TMCO4: variants seen among roughly 807,000 people sequenced by gnomAD.
TMCO4 encodes transmembrane and coiled-coil domains 4.
A neutral mutation model predicts 64.7 loss-of-function variants in TMCO4; 58 were observed. That is an observed-to-expected ratio of 0.90 (90% CI 0.73 to 1.12). The LOEUF (loss-of-function observed/expected upper bound fraction) is 1.12, where lower values mean the gene tolerates loss of function less well. Among genes scored for constraint, TMCO4 ranks in the 50% most tolerant of loss-of-function variants. The probability of loss-of-function intolerance (pLI) is 0.00; values close to 1 mark genes in which losing one functional copy is unlikely to be tolerated. For missense variants in TMCO4, 780 were observed against 825.9 expected, an observed-to-expected ratio of 0.94 and a Z score of 0.68; for synonymous variants, 325 against 346.1, an observed-to-expected ratio of 0.94 and a Z score of 0.68.
intron 2 of TMCO4, among the ~76,000 whole-genome samples, chr1:19,788,048 C>A (rs552813728): frequency 6.6e-6 from 1 of 152,274 alleles, no homozygotes; most frequent in South Asian, 2.1e-4. Context: ...TGAGCCACTG[C>A]ACCCAGCCCT....
intron 3 of TMCO4, among the ~76,000 whole-genome samples, chr1:19,785,772 C>T (rs985713349): frequency 2.6e-5 from 4 of 152,158 alleles, no homozygotes; most frequent in Non-Finnish European, 4.4e-5. Context: ...GCTAACTAAG[C>T]ATTCCTTCAG....
chr1:19,721,271 C>G (rs897881368), intron 13 of TMCO4, among the ~76,000 whole-genome samples: 5 of 148,770 alleles, frequency 3.4e-5, no homozygotes, highest in African/African-American at 1.0e-4. Flanking sequence ...GGAAAAGATA[C>G]GCTCCTGCAG....
chr1:19,756,021 C>G (rs976962153), intron 6 of TMCO4, among the ~76,000 whole-genome samples: 1 of 152,052 alleles, frequency 6.6e-6, no homozygotes, highest in Admixed American at 6.5e-5. Flanking sequence ...CTGAGGCAGG[C>G]AGATCGCTTG....
At chr1:19,786,763 A>C (rs1412612310) in intron 3 of TMCO4, among the ~76,000 whole-genome samples, 1 of 152,240 alleles carries the variant, frequency 6.6e-6, no homozygotes, top group Non-Finnish European at 1.5e-5. Context: ...TTTAAAAAGT[A>C]GTCGAACATC....
At chr1:19,720,838 G>A (rs2095379203) in intron 13 of TMCO4, among the ~76,000 whole-genome samples, 1 of 151,974 alleles carries the variant, frequency 6.6e-6, no homozygotes, top group Admixed American at 6.6e-5. Context: ...CCCACAGGCA[G>A]AAACATTTTT....
chr1:19,792,440 G>C (rs975115428), intron 2 of TMCO4, among the ~76,000 whole-genome samples: 10 of 152,236 alleles, frequency 6.6e-5, no homozygotes, highest in African/African-American at 2.2e-4. Flanking sequence ...TTTGTCAGTA[G>C]TTGGGGCAGA....
chr1:19,721,961 C>T (rs890239107), intron 13 of TMCO4, among the ~76,000 whole-genome samples: 2 of 152,222 alleles, frequency 1.3e-5, no homozygotes, highest in African/African-American at 4.8e-5. Context: ...CACATTCAAA[C>T]ACCAATAGCC....
At chr1:19,716,151 T>C (rs912087245) in intron 13 of TMCO4, among the ~76,000 whole-genome samples, 1 of 135,532 alleles carries the variant, frequency 7.4e-6, no homozygotes, top group Non-Finnish European at 1.5e-5. Flanking sequence ...ACCTCTTCTC[T>C]ATTTTATTTT....
intron 15 of TMCO4, among the ~76,000 whole-genome samples, chr1:19,685,969 C>T (rs911007919): frequency 7.9e-5 from 12 of 151,810 alleles, no homozygotes; most frequent in African/African-American, 2.7e-4. Context: ...CCTCATGATC[C>T]ACCCACCTCG....
chr1:19,691,795 T>C (rs1158094235), intron 15 of TMCO4, among the ~76,000 whole-genome samples: 1 of 152,238 alleles, frequency 6.6e-6, no homozygotes, highest in Non-Finnish European at 1.5e-5. Flanking sequence ...TGAATTGTAC[T>C]CTCATAAATC....
At chr1:19,727,249 G>T (rs935734398) in intron 13 of TMCO4, among the ~76,000 whole-genome samples, 1 of 152,212 alleles carries the variant, frequency 6.6e-6, no homozygotes, top group Non-Finnish European at 1.5e-5. Flanking sequence ...GTTAGGACAG[G>T]ACGTGCAGAC....
intron 4 of TMCO4, among the ~76,000 whole-genome samples, chr1:19,772,837 A>G (rs1052156977): frequency 6.6e-6 from 1 of 152,206 alleles, no homozygotes; most frequent in Non-Finnish European, 1.5e-5. Flanking sequence ...TGACCCAGCT[A>G]TCACATTCCT....
chr1:19,692,543 A>G (rs2095203678), intron 15 of TMCO4, among the ~76,000 whole-genome samples: 1 of 150,652 alleles, frequency 6.6e-6, no homozygotes, highest in Admixed American at 6.6e-5. Context: ...CAGCCTGACC[A>G]ATATGGCGAA....
At chr1:19,784,269 C>T (rs1439023481) in intron 3 of TMCO4, among the ~76,000 whole-genome samples, 1 of 152,180 alleles carries the variant, frequency 6.6e-6, no homozygotes, top group Non-Finnish European at 1.5e-5. Context: ...CGCGGTAGCT[C>T]ACGCCTGTAA....
At position 19,755,724 on chromosome 1, in the gene TMCO4, G is replaced by C; in HGVS notation, c.425C>G (p.Thr142Ser). 6.2e-7 allele frequency: 1 copy of C among 1,614,084 alleles called. No individual in the cohort carries two copies. Among genetic ancestry groups the C allele is most frequent in the Non-Finnish European group, 8.5e-7 (1 of 1,180,016 alleles). ...CTCCAAGGGCACTTGGAGCAGGGAG[G>C]TCATGTGGCAAACGAGGACTCTGGC... ...ARARVLVCHM[T>S]SLLQVPLEEL... Residue 142 changes from threonine to serine, a missense_variant, in exon 7 of 16, where the codon ACC becomes AGC. Coordinates refer to ENST00000294543, the MANE Select transcript of TMCO4 (RefSeq NM_181719.7).
intron 11 of TMCO4, 61 bp downstream of exon 11, chr1:19,740,716 C>T (rs1005363954): frequency 1.3e-6 from 2 of 1,544,602 alleles, no homozygotes. Context: ...ACTATGGTAC[C>T]ACTGTGTTGG....
chr1:19,771,781 C>T (rs928252722), intron 4 of TMCO4, among the ~76,000 whole-genome samples: 5 of 152,094 alleles, frequency 3.3e-5, no homozygotes, highest in East Asian at 1.9e-4. Flanking sequence ...CTCAGCCTCC[C>T]GAGTAGCTGG....
chr1:19,796,294 G>A (rs946973307), intron 2 of TMCO4, among the ~76,000 whole-genome samples: 1 of 151,462 alleles, frequency 6.6e-6, no homozygotes, highest in African/African-American at 2.5e-5. Context: ...TTACTAAGGT[G>A]GGGGGTCAGG....
chr1:19,705,733 G>A (rs10917522), intron 13 of TMCO4, among the ~76,000 whole-genome samples: 43,305 of 151,362 alleles, frequency 0.29, 6,486 homozygotes, highest in African/African-American at 0.37. Flanking sequence ...GTGTAGGAGG[G>A]GAAACCTATT....
Sources: gnomAD v4.1 joint callset for allele counts (sites outside exome capture counted in the v4.1 genomes callset) on GRCh38, gnomAD v4.1.1 for gene constraint, MANE v1.5 for transcripts, NCBI Gene and HGNC (gene_info 2026-07-23, HGNC 2026-07-21) for gene names.